MARCHF1: variants seen among roughly 807,000 people sequenced by gnomAD.
MARCHF1 encodes membrane associated ring-CH-type finger 1, also known as E3 ubiquitin-protein ligase MARCHF1.
In MARCHF1, 40 loss-of-function variants were observed where a neutral mutation model predicts 54.2. The observed-to-expected ratio is 0.74, with a 90% confidence interval of 0.57 to 0.96. MARCHF1 has a LOEUF of 0.96. MARCHF1 is among the 40% of genes least tolerant of loss of function. The probability of loss-of-function intolerance (pLI) is 0.00; values close to 1 mark genes in which losing one functional copy is unlikely to be tolerated. For missense variants in MARCHF1, 586 were observed against 656.5 expected, an observed-to-expected ratio of 0.89 and a Z score of 1.17; for synonymous variants, 236 against 236.3, an observed-to-expected ratio of 1.00 and a Z score of 0.01.
chr4:164,141,447 A>G (rs1756532365), intron 1 of MARCHF1, among the ~76,000 whole-genome samples: 1 of 152,214 alleles, frequency 6.6e-6, no homozygotes, highest in Non-Finnish European at 1.5e-5. Context: ...ATGTCCCCCC[A>G]TCATTTCTAC....
chr4:163,737,214 ATT>A lies in MARCHF1; in HGVS notation c.112-36353_112-36352del, dbSNP rs200485998. Among the ~76,000 whole-genome samples, 227 of 43,602 alleles carry A rather than the reference ATT, an allele frequency of 5.2e-3. 11 individuals are homozygous for A. Among genetic ancestry groups the A allele is most frequent in the Admixed American group, 8.1e-3 (30 of 3,726 alleles). 28.6% of individuals were successfully genotyped at this position (43,602 alleles called of 152,430 possible). A position where few individuals can be genotyped will look rare whatever the true frequency, so the allele number is the denominator to read the frequency against. ...TTAGTTTATTTATTTATTTTTTTTAATTTTTTTTTTTTTTATTATACTCTAAG... is the reference window on the plus strand; with the variant it reads ...TTAGTTTATTTATTTATTTTTTTTAATTTTTTTTTTTTATTATACTCTAAG... On this transcript the variant is annotated intron_variant, in intron 4 of 9. Transcript: ENST00000514618.
intron 1 of MARCHF1, chr4:164,196,956 C>T (rs758319475): frequency 6.4e-5 from 103 of 1,598,744 alleles, no homozygotes; most frequent in Non-Finnish European, 1.9e-5. Context: ...AGGAATTTTT[C>T]AAAATAGGTT....
At chr4:164,369,272 C>G (rs1730965805) in intron 1 of MARCHF1, among the ~76,000 whole-genome samples, 2 of 152,174 alleles carry the variant, frequency 1.3e-5, no homozygotes, top group African/African-American at 4.8e-5. Context: ...ACATTAATCC[C>G]TTTACTACAA....
chr4:164,032,283 G>T (rs190468552), intron 2 of MARCHF1, among the ~76,000 whole-genome samples: 1 of 152,156 alleles, frequency 6.6e-6, no homozygotes, highest in Admixed American at 6.6e-5. Flanking sequence ...CAAAAAACCA[G>T]CTCTTGGATT....
chr4:163,859,859 C>A (rs1358118681), intron 3 of MARCHF1, among the ~76,000 whole-genome samples: 4 of 152,034 alleles, frequency 2.6e-5, no homozygotes, highest in African/African-American at 7.2e-5. Flanking sequence ...ATAGTTACAC[C>A]CAGAGATGGG....
At chr4:164,041,634 T>C (rs1029181347) in intron 2 of MARCHF1, among the ~76,000 whole-genome samples, 1 of 152,156 alleles carries the variant, frequency 6.6e-6, no homozygotes, top group Non-Finnish European at 1.5e-5. Flanking sequence ...AGAGTTGTAG[T>C]CCTTAATGTG....
At chr4:163,539,334 A>C (rs950290169) in intron 9 of MARCHF1, among the ~76,000 whole-genome samples, 36 of 152,188 alleles carry the variant, frequency 2.4e-4, no homozygotes, top group Admixed American at 9.2e-4. Flanking sequence ...GATGGTTTTT[A>C]TAAAGCTAAA....
intron 3 of MARCHF1, among the ~76,000 whole-genome samples, chr4:163,918,499 A>T (rs1231554927): frequency 6.6e-6 from 1 of 152,124 alleles, no homozygotes; most frequent in Non-Finnish European, 1.5e-5. Flanking sequence ...GAAAAGAAGC[A>T]TTAATTGTGG....
At chr4:163,832,797 T>A (rs1175242699) in intron 4 of MARCHF1, among the ~76,000 whole-genome samples, 1 of 140,700 alleles carries the variant, frequency 7.1e-6, no homozygotes, top group Non-Finnish European at 1.5e-5. Flanking sequence ...TGTCCATGTG[T>A]TCTCATTGTT....
intron 2 of MARCHF1, among the ~76,000 whole-genome samples, chr4:163,992,393 T>C (rs780902839): frequency 1.1e-4 from 16 of 152,044 alleles, no homozygotes; most frequent in Non-Finnish European, 1.9e-4. Flanking sequence ...GCAATTAATA[T>C]CTGAAAGACA....
At chr4:164,222,120 AT>A in intron 1 of MARCHF1, among the ~76,000 whole-genome samples, 1 of 152,212 alleles carries the variant, frequency 6.6e-6, no homozygotes, top group African/African-American at 2.4e-5. Flanking sequence ...TGCCTTTCAA[AT>A]TAATTCAATC....
At chr4:164,197,630 G>A (rs762022784) in intron 1 of MARCHF1, 14 of 1,612,872 alleles carry the variant, frequency 8.7e-6, no homozygotes, top group Non-Finnish European at 1.1e-5. Context: ...TCATTCGACC[G>A]ACTGTTGTCC....
At chr4:163,858,095 G>T in intron 3 of MARCHF1, among the ~76,000 whole-genome samples, 2 of 30,074 alleles carry the variant, frequency 6.7e-5, no homozygotes, top group African/African-American at 2.2e-4. Context: ...GCACAACTCC[G>T]GGGGGTGGGG....
At chr4:164,100,905 G>A (rs551125862) in intron 2 of MARCHF1, among the ~76,000 whole-genome samples, 10 of 152,224 alleles carry the variant, frequency 6.6e-5, no homozygotes, top group African/African-American at 2.2e-4. Flanking sequence ...GTGGGTGCGC[G>A]CACAGTGCGC....
intron 4 of MARCHF1, among the ~76,000 whole-genome samples, chr4:163,716,166 A>G (rs552811255): frequency 4.8e-4 from 73 of 152,322 alleles, no homozygotes; most frequent in Non-Finnish European, 8.5e-4. Flanking sequence ...TTTACTTGGC[A>G]ACATGTTCCA....
intron 4 of MARCHF1, among the ~76,000 whole-genome samples, chr4:163,822,134 C>T (rs1748709941): frequency 6.6e-6 from 1 of 151,610 alleles, no homozygotes; most frequent in Non-Finnish European, 1.5e-5. Context: ...ACATAATTTG[C>T]CATTTGATTT....
intron 3 of MARCHF1, among the ~76,000 whole-genome samples, chr4:163,863,529 G>C (rs1749986248): frequency 6.6e-6 from 1 of 152,062 alleles, no homozygotes; most frequent in South Asian, 2.1e-4. Context: ...TGTAATAATG[G>C]GTCAGAGTTG....
At chr4:164,195,810 A>G (rs1411121043) in intron 1 of MARCHF1, among the ~76,000 whole-genome samples, 1 of 152,152 alleles carries the variant, frequency 6.6e-6, no homozygotes, top group African/African-American at 2.4e-5. Context: ...TAAAATTATA[A>G]ATCATTTTTT....
chr4:163,633,949 C>G (rs1220006242), intron 5 of MARCHF1, among the ~76,000 whole-genome samples: 5 of 152,146 alleles, frequency 3.3e-5, no homozygotes, highest in Non-Finnish European at 5.9e-5. Flanking sequence ...ATTCAACATT[C>G]TTAAAGAAAA....
Sources: allele counts gnomAD v4.1 joint callset (sites outside exome capture counted in the v4.1 genomes callset), GRCh38; gene constraint gnomAD v4.1.1; transcripts MANE v1.5; gene names NCBI Gene and HGNC (gene_info 2026-07-23, HGNC 2026-07-21).